Variants in HIVEP3 observed in about 807,000 individuals in gnomAD.
The protein encoded by HIVEP3 is transcription factor HIVEP3.
Under a neutral mutation model 152.8 loss-of-function variants are expected in HIVEP3, and 49 were observed. That is an observed-to-expected ratio of 0.32 (90% CI 0.26 to 0.41). The LOEUF is 0.41. HIVEP3 is among the 10% of genes least tolerant of loss of function. HIVEP3 has a pLI of 1.00. For missense variants in HIVEP3, 2,790 were observed against 3,103.3 expected (o/e 0.90, Z 2.40); for synonymous variants, 1,269 against 1,289.0 (o/e 0.98, Z 0.33).
In HIVEP3 at chr1:41,526,885, ACT is replaced by A. The variant is rs200729627; in HGVS notation, c.5208-1977_5208-1976del. 9.0e-3 allele frequency among the ~76,000 whole-genome samples: 1,128 copies of A among 125,298 alleles called. 15 individuals are homozygous for A. Among genetic ancestry groups the A allele is most frequent in the Admixed American group, 0.043 (540 of 12,442 alleles). The allele number at this position is 125,298 out of a possible 152,430, so 82.2% of individuals were successfully genotyped here. A position where few individuals can be genotyped will look rare whatever the true frequency, so the allele number is the denominator to read the frequency against. ...CGCTCACACACAGCCTCACAAGCTCACTCTCACACTAAAACATGCTCATATCT... is the reference window on the plus strand; with the variant it reads ...CGCTCACACACAGCCTCACAAGCTCACTCACACTAAAACATGCTCATATCT... On this transcript the variant is annotated intron_variant, in intron 5 of 8. Transcript: ENST00000372583.
intron 3 of HIVEP3, among the ~76,000 whole-genome samples, chr1:41,621,328 G>T (rs1645044186): frequency 6.6e-6 from 1 of 152,200 alleles, no homozygotes. Context: ...GACACACATG[G>T]AGAAATTCTG....
At chr1:41,804,348 A>G (rs1650478204) in intron 1 of HIVEP3, among the ~76,000 whole-genome samples, 1 of 152,194 alleles carries the variant, frequency 6.6e-6, no homozygotes. Flanking sequence ...TGTGAAAGCT[A>G]AAAGCCCGCC....
intron 5 of HIVEP3, among the ~76,000 whole-genome samples, chr1:41,531,291 G>T (rs1346624375): frequency 6.8e-6 from 1 of 146,866 alleles, no homozygotes; most frequent in East Asian, 2.0e-4. Flanking sequence ...AGGGGAGATG[G>T]AGGACAGGAG....
At chr1:41,926,508 T>C (rs1378539399) in intron 1 of HIVEP3, among the ~76,000 whole-genome samples, 2 of 152,114 alleles carry the variant, frequency 1.3e-5, no homozygotes, top group Admixed American at 6.5e-5. Context: ...TGATCAATAT[T>C]AAGTATAATG....
intron 1 of HIVEP3, among the ~76,000 whole-genome samples, chr1:41,896,221 A>G (rs58347455): frequency 0.068 from 10,387 of 152,264 alleles, 1,111 homozygotes; most frequent in African/African-American, 0.23. Flanking sequence ...AACAATGTCT[A>G]CCACAAAGTA....
intron 1 of HIVEP3, among the ~76,000 whole-genome samples, chr1:41,814,182 T>C (rs1651124440): frequency 6.6e-6 from 1 of 152,206 alleles, no homozygotes; most frequent in Non-Finnish European, 1.5e-5. Flanking sequence ...CAAGCCCCAG[T>C]ACGTCATGTC....
intron 2 of HIVEP3, among the ~76,000 whole-genome samples, chr1:41,644,439 C>G: frequency 6.6e-6 from 1 of 152,196 alleles, no homozygotes; most frequent in East Asian, 1.9e-4. Flanking sequence ...ACAAGTCTGT[C>G]TCTAAGGACC....
chr1:41,666,805 G>A (rs886098126), intron 2 of HIVEP3, among the ~76,000 whole-genome samples: 10 of 152,142 alleles, frequency 6.6e-5, no homozygotes, highest in Admixed American at 2.0e-4. Context: ...CCTGTTCAGC[G>A]AAACCACCCG....
At chr1:41,513,902 G>C in intron 7 of HIVEP3, 152 bp from the exon 8 acceptor site, 2 of 585,990 alleles carry the variant, frequency 3.4e-6, no homozygotes, top group Non-Finnish European at 2.8e-6. Context: ...ACCAAGAAAC[G>C]TAACAGATAT....
Position 41,564,952 on chromosome 1 carries a change from G to A in HIVEP3, c.5207+10592C>T, listed in dbSNP as rs533370742. Among the ~76,000 whole-genome samples, 293 of 152,338 alleles carry A rather than the reference G, an allele frequency of 1.9e-3. 1 individual carries two copies. The highest frequency in any genetic ancestry group is 6.6e-3 in the African/African-American group (275 of 41,580). On this transcript the variant is annotated intron_variant, in intron 5 of 8. Transcript: ENST00000372583. ...GAGGGGAGCCCCGGGGCAGTCAGGA[G>A]CCACCAGACAACTCAGCGGAGCCCC...
chr1:42,008,093 T>C (rs1249040176), intron 1 of HIVEP3, among the ~76,000 whole-genome samples: 2 of 152,146 alleles, frequency 1.3e-5, no homozygotes, highest in African/African-American at 4.8e-5. Context: ...CATGCTTTGT[T>C]TTTAAATTGA....
chr1:41,852,271 G>C (rs1355645220), intron 1 of HIVEP3, among the ~76,000 whole-genome samples: 1 of 152,230 alleles, frequency 6.6e-6, no homozygotes, highest in African/African-American at 2.4e-5. Flanking sequence ...CCGTGGGGCT[G>C]CCAGCAGCCA....
Position 41,628,750 on chromosome 1 carries a change from T to G in HIVEP3, c.-523A>C. On this transcript the variant is annotated splice_region_variant and 5_prime_UTR_variant, in exon 3 of 9. Transcript: ENST00000372583. Reference sequence around the variant, plus strand: ...TCAGCAACAGCCCCCATTTCCTACCTGTGCTGAAGGCACCACTTCCGATGA... The same window carrying G: ...TCAGCAACAGCCCCCATTTCCTACCGGTGCTGAAGGCACCACTTCCGATGA... 8.1e-7 allele frequency: 1 copy of G among 1,232,174 alleles called. No individual in the cohort carries two copies. Among genetic ancestry groups the G allele is most frequent in the South Asian group, 4.1e-5 (1 of 24,320 alleles). The allele number at this position is 1,232,174 out of a possible 1,614,324, so 76.3% of individuals were successfully genotyped here.
chr1:41,675,990 C>T (rs1417199560), intron 2 of HIVEP3, among the ~76,000 whole-genome samples: 1 of 151,952 alleles, frequency 6.6e-6, no homozygotes, highest in Non-Finnish European at 1.5e-5. Flanking sequence ...GGCCGGGCAA[C>T]ATCTAATGCC....
At chr1:41,656,749 A>G (rs1049495525) in intron 2 of HIVEP3, among the ~76,000 whole-genome samples, 3 of 152,220 alleles carry the variant, frequency 2.0e-5, no homozygotes, top group Non-Finnish European at 4.4e-5. Flanking sequence ...CATTTTATAA[A>G]TGAAGAAAAT....
intron 5 of HIVEP3, among the ~76,000 whole-genome samples, chr1:41,529,009 A>C (rs1295994647): frequency 5.0e-5 from 5 of 99,796 alleles, no homozygotes; most frequent in African/African-American, 1.2e-4. Flanking sequence ...CTGCCCTCAC[A>C]CTCACACCAC....
At chr1:41,908,323 G>A (rs535337670) in intron 1 of HIVEP3, among the ~76,000 whole-genome samples, 181 of 152,230 alleles carry the variant, frequency 1.2e-3, no homozygotes, top group Non-Finnish European at 2.2e-3. Context: ...ATATACTTTT[G>A]CATTTAAAGG....
intron 2 of HIVEP3, among the ~76,000 whole-genome samples, chr1:41,665,996 T>G (rs908266304): frequency 1.3e-5 from 2 of 152,198 alleles, no homozygotes; most frequent in Non-Finnish European, 2.9e-5. Context: ...CCTGTGGGCC[T>G]TCTGGGTTAT....
intron 1 of HIVEP3, among the ~76,000 whole-genome samples, chr1:41,976,285 T>G (rs189383356): frequency 3.5e-4 from 54 of 152,350 alleles, no homozygotes; most frequent in Admixed American, 1.6e-3. Context: ...AGCACTATTA[T>G]TCTTCTCCTG....
Sources: gnomAD v4.1 joint callset for allele counts (sites outside exome capture counted in the v4.1 genomes callset) on GRCh38, gnomAD v4.1.1 for gene constraint, MANE v1.5 for transcripts, NCBI Gene and HGNC (gene_info 2026-07-23, HGNC 2026-07-21) for gene names.